Variants in ABR observed in about 807,000 individuals in gnomAD.
ABR encodes ABR activator of RhoGEF and GTPase.
In ABR, 35 loss-of-function variants were observed where a neutral mutation model predicts 107.2. The ratio of observed to expected loss-of-function variants is 0.33; its 90% CI spans 0.25 to 0.43. The LOEUF (loss-of-function observed/expected upper bound fraction) is 0.43. Among genes scored for constraint, ABR ranks in the 20% least tolerant of loss-of-function variants. The pLI is 1.00. For missense variants in ABR, 815 were observed against 1,115.2 expected, an observed-to-expected ratio of 0.73 and a Z score of 3.83; for synonymous variants, 498 against 462.0, an observed-to-expected ratio of 1.08 and a Z score of -1.00.
chr17:1,089,337 T>A (rs180852398), intron 4 of ABR, among the ~76,000 whole-genome samples: 8 of 152,184 alleles, frequency 5.3e-5, no homozygotes, highest in Non-Finnish European at 8.8e-5. Flanking sequence ...CTCAGCCCCA[T>A]GCAGTTTTCA....
At chr17:1,128,543 T>G (rs1007971684) in intron 1 of ABR, among the ~76,000 whole-genome samples, 2 of 152,214 alleles carry the variant, frequency 1.3e-5, no homozygotes, top group African/African-American at 4.8e-5. Context: ...GGGATATGTG[T>G]GGAACTTGCA....
At position 1,050,700 on chromosome 17, in the gene ABR, C is replaced by G. The variant is rs2032382155; in HGVS notation, c.1562-66G>C. ...CCAGGGTGGGGCAGCTGGGGCGGCACTCAGGATGGAGGGGGACATCGCATC... is the reference window on the plus strand; with the variant it reads ...CCAGGGTGGGGCAGCTGGGGCGGCAGTCAGGATGGAGGGGGACATCGCATC... On this transcript the variant is annotated intron_variant, in intron 14 of 22. Transcript: ENST00000302538. This position sits in a 1 kb window ranked among gnomAD's most constrained non-coding sequence, Gnocchi z 4.6. 1.5e-6 allele frequency: 2 copies of G among 1,323,232 alleles called. No individual in the cohort carries two copies. The highest frequency in any genetic ancestry group is 2.3e-5 in the East Asian group (1 of 43,250). The allele number at this position is 1,323,232 out of a possible 1,614,324, so 82.0% of individuals were successfully genotyped here. A position where few individuals can be genotyped will look rare whatever the true frequency, so the allele number is the denominator to read the frequency against.
intron 9 of ABR, among the ~76,000 whole-genome samples, chr17:1,069,587 G>A (rs974648944): frequency 2.6e-5 from 4 of 152,096 alleles, no homozygotes; most frequent in Non-Finnish European, 5.9e-5. Flanking sequence ...CAGGAAAATC[G>A]CTTGAACCCG....
intron 2 of ABR, chr17:1,115,169 C>T (rs2038925908): frequency 6.6e-6 from 1 of 152,278 alleles, no homozygotes; most frequent in African/African-American, 2.4e-5. Flanking sequence ...TGCATCCCTC[C>T]TGCTGACATC....
At chr17:1,223,302 A>AC (rs2043152471) in intron 1 of ABR, among the ~76,000 whole-genome samples, 3 of 68,728 alleles carry the variant, frequency 4.4e-5, no homozygotes, top group Non-Finnish European at 8.8e-5. Flanking sequence ...AAAATCAGTA[A>AC]CAACACACAC....
At chr17:1,041,338 G>C (rs978068164) in intron 16 of ABR, among the ~76,000 whole-genome samples, 1 of 152,248 alleles carries the variant, frequency 6.6e-6, no homozygotes, top group Admixed American at 6.5e-5. Context: ...ACAGGTGAAA[G>C]CGTGGACGCA....
chr17:1,091,324 C>T (rs1427342398), intron 4 of ABR, among the ~76,000 whole-genome samples: 1 of 114,508 alleles, frequency 8.7e-6, no homozygotes, highest in Non-Finnish European at 1.9e-5. Flanking sequence ...GACGGAGCAC[C>T]CTCCGGGAGG....
chr17:1,026,152 G>A (rs1026762345), intron 16 of ABR, among the ~76,000 whole-genome samples: 15 of 152,218 alleles, frequency 9.9e-5, no homozygotes, highest in African/African-American at 3.6e-4. Context: ...AGATCATCCT[G>A]TTCAGCTCCT....
intron 2 of ABR, among the ~76,000 whole-genome samples, chr17:1,119,750 G>A (rs2039258719): frequency 6.6e-6 from 1 of 152,258 alleles, no homozygotes; most frequent in Non-Finnish European, 1.5e-5. Flanking sequence ...TCAGCGGCGG[G>A]GTGGGTGTGA....
intron 1 of ABR, among the ~76,000 whole-genome samples, chr17:1,142,023 G>A (rs1014694835): frequency 6.6e-6 from 1 of 151,962 alleles, no homozygotes; most frequent in Non-Finnish European, 1.5e-5. Flanking sequence ...CTCCCAAAGT[G>A]CTGGGATTAC....
intron 1 of ABR, among the ~76,000 whole-genome samples, chr17:1,204,459 CA>C (rs971323186): frequency 6.6e-6 from 1 of 151,814 alleles, no homozygotes; most frequent in Admixed American, 6.6e-5. Context: ...AACAAACAAA[CA>C]AAAAAAATGA....
Position 1,198,495 on chromosome 17 carries a change from C to T in ABR, c.838+30298G>A, listed in dbSNP as rs572056931. Among the ~76,000 whole-genome samples the T allele has an allele frequency of 9.8e-4, 148 of 151,558 alleles. 5 individuals carry two copies. The highest frequency in any genetic ancestry group is 3.6e-3 in the African/African-American group (148 of 40,896). ...CAGTGGCTCAAACCTATAATCCCAG[C>T]ACTTTGGGAGGCTGAGGCGGGTGGA... On this transcript the variant is annotated intron_variant, in intron 1 of 22. Transcript: ENST00000574139.
chr17:1,139,452 C>T (rs1314847688), intron 1 of ABR, among the ~76,000 whole-genome samples: 1 of 152,064 alleles, frequency 6.6e-6, no homozygotes, highest in Non-Finnish European at 1.5e-5. Context: ...CAGGGTTTCA[C>T]CGTGTTAGCC....
intron 16 of ABR, among the ~76,000 whole-genome samples, chr17:1,048,987 G>A (rs967994113): frequency 6.6e-5 from 10 of 152,294 alleles, no homozygotes; most frequent in African/African-American, 1.9e-4. Flanking sequence ...GGTACCAGAC[G>A]GGAGTGTGAG....
chr17:1,044,379 G>A (rs993858157), intron 16 of ABR, among the ~76,000 whole-genome samples: 2 of 152,194 alleles, frequency 1.3e-5, no homozygotes, highest in South Asian at 2.1e-4. Flanking sequence ...GCCGGGTGCC[G>A]TGGCTCAGGC....
chr17:1,059,298 A>G (rs2033672489), intron 10 of ABR, among the ~76,000 whole-genome samples: 1 of 152,148 alleles, frequency 6.6e-6, no homozygotes, highest in African/African-American at 2.4e-5. Flanking sequence ...TTCTCCACAG[A>G]AAAGCTGTGG....
At chr17:1,198,005 A>G (rs2150710805) in intron 1 of ABR, among the ~76,000 whole-genome samples, 1 of 151,774 alleles carries the variant, frequency 6.6e-6, no homozygotes, top group East Asian at 1.9e-4. Flanking sequence ...CCGCAGCCCC[A>G]CGCTGTGGGT....
At chr17:1,046,050 T>C (rs897241166) in intron 16 of ABR, among the ~76,000 whole-genome samples, 1 of 152,148 alleles carries the variant, frequency 6.6e-6, no homozygotes, top group Non-Finnish European at 1.5e-5. Flanking sequence ...TTTGTTTTTT[T>C]AGTAGACACA....
chr17:1,081,801 T>C (rs1209318392), intron 5 of ABR, among the ~76,000 whole-genome samples: 1 of 151,870 alleles, frequency 6.6e-6, no homozygotes, highest in Non-Finnish European at 1.5e-5. Flanking sequence ...GGTCTCAAAC[T>C]CCTGACCTCA....
Sources: gnomAD v4.1 joint callset for allele counts (sites outside exome capture counted in the v4.1 genomes callset) on GRCh38, gnomAD v4.1.1 for gene constraint, Gnocchi (gnomAD v3.1) non-coding constraint, MANE v1.5 for transcripts, NCBI Gene and HGNC (gene_info 2026-07-23, HGNC 2026-07-21) for gene names.